Variants in UBL3 observed in about 807,000 individuals in gnomAD.
The protein encoded by UBL3 is ubiquitin like 3.
UBL3 carries 6 observed loss-of-function variants against 18.4 expected under a neutral mutation model. That is an observed-to-expected ratio of 0.33 (90% CI 0.18 to 0.64). The LOEUF (loss-of-function observed/expected upper bound fraction) is 0.64, where lower values mean the gene tolerates loss of function less well. UBL3 is among the 30% of genes least tolerant of loss of function. The probability of loss-of-function intolerance (pLI) is 0.76; values close to 1 mark genes in which losing one functional copy is unlikely to be tolerated. For missense variants in UBL3, 109 were observed against 142.9 expected (o/e 0.76, Z 1.21); for synonymous variants, 49 against 46.6 (o/e 1.05, Z -0.21).
chr13:29,814,091 G>A (rs539509238), intron 1 of UBL3, among the ~76,000 whole-genome samples: 3 of 152,108 alleles, frequency 2.0e-5, no homozygotes, highest in Non-Finnish European at 4.4e-5. Flanking sequence ...TCTAATCCAA[G>A]AAGAAACAGT....
intron 2 of UBL3, among the ~76,000 whole-genome samples, chr13:29,776,676 T>C (rs1243966824): frequency 1.3e-5 from 2 of 151,732 alleles, no homozygotes; most frequent in African/African-American, 4.8e-5. Context: ...ATCGAGACCA[T>C]CCTGGCCGAC....
intron 1 of UBL3, among the ~76,000 whole-genome samples, chr13:29,785,851 T>C (rs1877300797): frequency 1.3e-5 from 2 of 152,128 alleles, no homozygotes; most frequent in Non-Finnish European, 2.9e-5. Flanking sequence ...GAGGGAGGGA[T>C]AGTTAGGATA....
intron 1 of UBL3, among the ~76,000 whole-genome samples, chr13:29,796,307 T>C (rs1245336598): frequency 1.3e-5 from 2 of 152,164 alleles, no homozygotes; most frequent in East Asian, 1.9e-4. Flanking sequence ...TCCCAGTTTT[T>C]AAAGTTACCT....
intron 1 of UBL3, among the ~76,000 whole-genome samples, chr13:29,831,690 A>G (rs1367408611): frequency 6.6e-6 from 1 of 151,762 alleles, no homozygotes; most frequent in Non-Finnish European, 1.5e-5. Flanking sequence ...AAGGCTGATG[A>G]CAGCTTACTT....
At chr13:29,797,386 T>C (rs975715159) in intron 1 of UBL3, among the ~76,000 whole-genome samples, 3 of 152,236 alleles carry the variant, frequency 2.0e-5, no homozygotes, top group Admixed American at 6.5e-5. Context: ...TTAATGTCTC[T>C]ATACAATATT....
chr13:29,803,712 T>C (rs555457224), intron 1 of UBL3, among the ~76,000 whole-genome samples: 80 of 151,724 alleles, frequency 5.3e-4, no homozygotes, highest in Non-Finnish European at 1.3e-4. Context: ...TATATAACAG[T>C]AAAGGGATCA....
At chr13:29,796,173 C>G (rs1720663290) in intron 1 of UBL3, among the ~76,000 whole-genome samples, 1 of 151,674 alleles carries the variant, frequency 6.6e-6, no homozygotes, top group South Asian at 2.1e-4. Context: ...CTTTTGGAGC[C>G]CTTGGAAGTG....
intron 1 of UBL3, among the ~76,000 whole-genome samples, chr13:29,824,678 T>C (rs7981622): frequency 0.26 from 39,080 of 152,150 alleles, 5,147 homozygotes; most frequent in East Asian, 0.42. Flanking sequence ...CTGGTGGTAG[T>C]TTCTTTTGCT....
At chr13:29,814,838 TAGA>T (rs1878228844) in intron 1 of UBL3, among the ~76,000 whole-genome samples, 1 of 152,188 alleles carries the variant, frequency 6.6e-6, no homozygotes, top group Non-Finnish European at 1.5e-5. Context: ...AAATGGCCTT[TAGA>T]AAGCTGCCTG....
chr13:29,799,115 G>T (rs1026278341), intron 1 of UBL3, among the ~76,000 whole-genome samples: 1 of 152,136 alleles, frequency 6.6e-6, no homozygotes, highest in Non-Finnish European at 1.5e-5. Context: ...TTTGGGTAGT[G>T]GGGGGAGCTG....
intron 1 of UBL3, among the ~76,000 whole-genome samples, chr13:29,819,271 T>G (rs1188165466): frequency 6.6e-6 from 1 of 152,232 alleles, no homozygotes; most frequent in Admixed American, 6.5e-5. Context: ...AAACCCCATG[T>G]TTAGCTTTGG....
intron 1 of UBL3, among the ~76,000 whole-genome samples, chr13:29,806,025 A>C (rs927434772): frequency 6.6e-6 from 1 of 152,048 alleles, no homozygotes; most frequent in South Asian, 2.1e-4. Flanking sequence ...AAAATACAAA[A>C]AATTAGCTGG....
At chr13:29,846,636 A>C (rs1879234059) in intron 1 of UBL3, among the ~76,000 whole-genome samples, 1 of 152,184 alleles carries the variant, frequency 6.6e-6, no homozygotes, top group African/African-American at 2.4e-5. Context: ...TTGATTTAGC[A>C]ATTATTGTAG....
intron 1 of UBL3, among the ~76,000 whole-genome samples, chr13:29,804,959 G>A (rs1275133428): frequency 1.4e-4 from 21 of 152,050 alleles, no homozygotes; most frequent in Admixed American, 1.4e-3. Context: ...ATGTGCATGT[G>A]GCCTGAAATA....
chr13:29,835,625 C>T (rs752532386), intron 1 of UBL3, among the ~76,000 whole-genome samples: 1 of 151,430 alleles, frequency 6.6e-6, no homozygotes, highest in Non-Finnish European at 1.5e-5. Context: ...TGCGGTGGTG[C>T]GTGCCTGTAG....
intron 1 of UBL3, among the ~76,000 whole-genome samples, chr13:29,844,138 A>G (rs1879175759): frequency 6.6e-6 from 1 of 152,250 alleles, no homozygotes. Flanking sequence ...GCTGGCATCT[A>G]CATTCTAGAA....
chr13:29,770,396 G>A (rs114925886), intron 3 of UBL3, among the ~76,000 whole-genome samples: 1 of 152,016 alleles, frequency 6.6e-6, no homozygotes, highest in Non-Finnish European at 1.5e-5. Flanking sequence ...AATTACATAA[G>A]TCAATCTGTT....
chr13:29,819,967 G>C (rs906949171), intron 1 of UBL3, among the ~76,000 whole-genome samples: 1 of 152,028 alleles, frequency 6.6e-6, no homozygotes, highest in Non-Finnish European at 1.5e-5. Context: ...AAACGTAAAA[G>C]GTTCTACAAA....
intron 1 of UBL3, among the ~76,000 whole-genome samples, chr13:29,789,966 AT>A (rs1877440426): frequency 6.6e-6 from 1 of 152,234 alleles, no homozygotes; most frequent in Admixed American, 6.5e-5. Context: ...TAAAATTCAC[AT>A]AAGATGGACA....
Sources: gnomAD v4.1 joint callset for allele counts (sites outside exome capture counted in the v4.1 genomes callset) on GRCh38, gnomAD v4.1.1 for gene constraint, MANE v1.5 for transcripts, NCBI Gene and HGNC (gene_info 2026-07-23, HGNC 2026-07-21) for gene names.